The following CCAR2 variants were observed in gnomAD, a reference collection of about 807,000 sequenced individuals.
The protein encoded by CCAR2 is cell cycle and apoptosis regulator protein 2.
CCAR2 carries 21 observed loss-of-function variants against 108.1 expected under a neutral mutation model. The ratio of observed to expected loss-of-function variants is 0.19; its 90% CI spans 0.14 to 0.28. The LOEUF (loss-of-function observed/expected upper bound fraction) is 0.28. CCAR2 is among the 10% of genes least tolerant of loss of function. The pLI, the probability that CCAR2 is intolerant of heterozygous loss-of-function variation, is 1.00. For synonymous variants in CCAR2, 577 were observed against 472.8 expected, an observed-to-expected ratio of 1.22 and a Z score of -2.86; for missense variants, 1,126 against 1,177.0, an observed-to-expected ratio of 0.96 and a Z score of 0.63.
At chr8:22,617,643 G>GT in intron 15 of CCAR2, 53 bp from the exon 16 acceptor site, 2 of 1,613,860 alleles carry the variant, frequency 1.2e-6, no homozygotes, top group Non-Finnish European at 1.7e-6. Flanking sequence ...TTTCATTTTT[G>GT]TACTGTGGAG....
In CCAR2 at chr8:22,605,834, G is replaced by A. The variant is rs1451426241; in HGVS notation, c.58+3G>A. 1 of 1,613,666 alleles carries A rather than the reference G, an allele frequency of 6.2e-7. No homozygotes were observed. The highest frequency in any genetic ancestry group is 2.2e-5 in the East Asian group (1 of 44,890). On this transcript the variant is annotated splice_donor_region_variant and intron_variant, in intron 2 of 20. Transcript: ENST00000308511. ...TCCAGGGGGACGCAACTTCTCAGGT[G>A]ATCACTGTTCTCCCTACCTGGCCTC...
chr8:22,613,190 T>C (rs1477417911), intron 8 of CCAR2, 54 bp downstream of exon 8: 9 of 1,492,762 alleles, frequency 6.0e-6, no homozygotes, highest in Middle Eastern at 2.2e-4. Flanking sequence ...TAGTTTCTTA[T>C]GTAAATGAGA....
chr8:22,621,201 T>G (rs1221421155), downstream of CCAR2: 1 of 585,964 alleles, frequency 1.7e-6, no homozygotes, highest in Non-Finnish European at 3.0e-6. Context: ...GCCCCAAGGG[T>G]TTGTCTACAC....
intron 17 of CCAR2, 41 bp from the exon 18 acceptor site, chr8:22,618,576 C>T (rs200570528): frequency 3.1e-6 from 5 of 1,613,966 alleles, no homozygotes; most frequent in East Asian, 2.2e-5. Context: ...TGGCCAGGGT[C>T]GGGGACGGGG....
intron 14 of CCAR2, among the ~76,000 whole-genome samples, chr8:22,616,991 C>T (rs1323282995): frequency 1.7e-5 from 2 of 116,014 alleles, no homozygotes; most frequent in Non-Finnish European, 1.7e-5. Context: ...AAACGATTCT[C>T]CTGCCTCAGC....
chr8:22,607,436 G>T, intron 6 of CCAR2, 111 bp downstream of exon 6: 10 of 1,113,726 alleles, frequency 9.0e-6, no homozygotes, highest in East Asian at 2.6e-5. Flanking sequence ...TGTACTGGAA[G>T]AAAGGTGGGC....
chr8:22,605,941 C>T (rs1801061114), intron 2 of CCAR2, 110 bp downstream of exon 2: 4 of 1,304,512 alleles, frequency 3.1e-6, no homozygotes, highest in Middle Eastern at 1.9e-4. Context: ...CTCTGGAAAG[C>T]AGGAGATGCC....
chr8:22,615,061 G>A (rs547943364), intron 11 of CCAR2, 60 bp downstream of exon 11: 1 of 1,477,494 alleles, frequency 6.8e-7, no homozygotes, highest in East Asian at 2.5e-5. Flanking sequence ...GGTTTTGTTG[G>A]GAAGGCCCGG....
rs1801151511 is a variant in CCAR2 at position 22,608,163 on chromosome 8, G to A, written c.584+98G>A. ...TGTGTTGGCCAGGAAGTGAACCCAG[G>A]TCAACTGCTTGGAAGGTGGCTATGC... is the stretch of plus-strand genomic sequence containing the variant. On this transcript the variant is annotated intron_variant, in intron 7 of 20. Coordinates refer to ENST00000308511, the MANE Select transcript of CCAR2 (RefSeq NM_001393997.1). 5.3e-6 allele frequency: 5 copies of A among 940,458 alleles called. 1 individual carries two copies. The South Asian group carries it at 6.5e-5, about 12-fold the overall frequency. 58.3% of individuals were successfully genotyped at this position (940,458 alleles called of 1,614,324 possible).
intron 1 of CCAR2, chr8:22,605,509 C>T (rs1340795125): frequency 2.1e-6 from 1 of 486,362 alleles, no homozygotes; most frequent in Non-Finnish European, 3.7e-6. Flanking sequence ...TGTAAAACAG[C>T]ATGACAGTAT....
chr8:22,615,657 G>T, intron 12 of CCAR2, 25 bp from the exon 13 acceptor site: 1 of 1,613,738 alleles, frequency 6.2e-7, no homozygotes. Flanking sequence ...GGACCCAGAG[G>T]GTCTCATTTC....
intron 13 of CCAR2, 26 bp from the exon 14 acceptor site, chr8:22,615,986 C>G (rs181651255): frequency 6.2e-7 from 1 of 1,613,234 alleles, no homozygotes; most frequent in African/African-American, 1.3e-5. Flanking sequence ...TCCTGATGCT[C>G]ATGGACCCTC....
intron 6 of CCAR2, among the ~76,000 whole-genome samples, 185 bp downstream of exon 6, chr8:22,607,510 C>T (rs1801122522): frequency 6.7e-6 from 1 of 149,944 alleles, no homozygotes; most frequent in South Asian, 2.1e-4. Context: ...CTCTGTTGCC[C>T]AGGCTGGAGT....
chr8:22,618,534 C>G (rs1324110527), intron 17 of CCAR2, 39 bp downstream of exon 17: 1 of 1,613,992 alleles, frequency 6.2e-7, no homozygotes, highest in African/African-American at 1.3e-5. Context: ...GGGCACAGGC[C>G]TGCACTTACT....
chr8:22,609,960 A>T (rs915314810), intron 7 of CCAR2, among the ~76,000 whole-genome samples: 8 of 135,886 alleles, frequency 5.9e-5, no homozygotes, highest in Non-Finnish European at 1.2e-4. Flanking sequence ...GAGTGCTGAC[A>T]TGGCACTCAA....
chr8:22,605,646 G>A lies in CCAR2; in HGVS notation c.-38-90G>A, dbSNP rs114854871. 5,275 of 750,130 alleles carry A rather than the reference G, an allele frequency of 7.0e-3. 37 individuals carry two copies. The highest frequency in any genetic ancestry group is 0.039 in the Middle Eastern group (160 of 4,140). The allele number at this position is 750,130 out of a possible 1,614,324, so 46.5% of individuals were successfully genotyped here. A position where few individuals can be genotyped will look rare whatever the true frequency, so the allele number is the denominator to read the frequency against. On this transcript the variant is annotated intron_variant, in intron 1 of 20. Transcript: ENST00000308511. ...CTTATTACCCACCTCCCTGTTTTCC[G>A]AAATATCCTTACTTAAGATTCTCCA... is the stretch of plus-strand genomic sequence containing the variant.
intron 2 of CCAR2, 119 bp downstream of exon 2, chr8:22,605,950 C>A: frequency 2.3e-6 from 3 of 1,278,328 alleles, no homozygotes; most frequent in Non-Finnish European, 3.4e-6. Context: ...GCAGGAGATG[C>A]CCACAGTGAT....
chr8:22,619,621 TCA>T lies in CCAR2; in HGVS notation c.2728-16_2728-15del. On this transcript the variant is annotated splice_polypyrimidine_tract_variant and intron_variant, in intron 20 of 20. Coordinates refer to ENST00000308511, the MANE Select transcript of CCAR2 (RefSeq NM_001393997.1). ...CTTGCCAGGCCCGATTCTGGGTACA[TCA>T]TCTGTTTCAAACAGGCTGACAGCTG... The T allele has an allele frequency of 4.7e-6, 3 of 642,398 alleles. No homozygotes were observed. Among genetic ancestry groups the T allele is most frequent in the Non-Finnish European group, 6.3e-6 (3 of 474,580 alleles). The allele number at this position is 642,398 out of a possible 1,614,324, so 39.8% of individuals were successfully genotyped here. A position where few individuals can be genotyped will look rare whatever the true frequency, so the allele number is the denominator to read the frequency against.
In CCAR2 at chr8:22,617,579, G is replaced by C; in HGVS notation, c.1990+15G>C. The C allele has an allele frequency of 6.2e-7, 1 of 1,604,862 alleles. No individual in the cohort carries two copies. ...GGAGGAGTTTGGTATGTTGAGTGGT[G>C]AGAGGGGAGCTTGCAGGCTTGGGAT... On this transcript the variant is annotated intron_variant, in intron 15 of 20. Transcript: ENST00000308511.
Sources: allele counts gnomAD v4.1 joint callset (sites outside exome capture counted in the v4.1 genomes callset), GRCh38; gene constraint gnomAD v4.1.1; transcripts MANE v1.5; gene names NCBI Gene and HGNC (gene_info 2026-07-23, HGNC 2026-07-21).